The following LGR5 variants were observed in gnomAD, a reference collection of about 807,000 sequenced individuals.
The protein encoded by LGR5 is leucine rich repeat containing G protein-coupled receptor 5, also known as leucine-rich repeat-containing G protein-coupled receptor 5.
LGR5 carries 54 observed loss-of-function variants against 76.7 expected under a neutral mutation model. The observed-to-expected ratio is 0.70, with a 90% CI of 0.57 to 0.88. The LOEUF (loss-of-function observed/expected upper bound fraction) is 0.88. Ranked by LOEUF, LGR5 falls within the 40% of genes least tolerant of loss-of-function variation. The pLI, the probability that LGR5 is intolerant of heterozygous loss-of-function variation, is 0.00. For missense variants in LGR5, 1,078 were observed against 1,073.3 expected (o/e 1.00, Z -0.06); for synonymous variants, 406 against 421.9 (o/e 0.96, Z 0.46).
At chr12:71,532,712 G>A (rs1876382210) in intron 3 of LGR5, among the ~76,000 whole-genome samples, 2 of 152,050 alleles carry the variant, frequency 1.3e-5, no homozygotes, top group African/African-American at 4.8e-5. Flanking sequence ...AGGGTCAGGA[G>A]GTTAAATGAG....
chr12:71,462,706 C>T (rs577411899), intron 1 of LGR5, among the ~76,000 whole-genome samples: 2 of 152,268 alleles, frequency 1.3e-5, no homozygotes, highest in African/African-American at 2.4e-5. Context: ...CCCATTGCCC[C>T]TCTGGTGGAA....
At position 71,584,073 on chromosome 12, in the gene LGR5, G is replaced by A; in HGVS notation, c.2063G>A (p.Cys688Tyr). Residue 688 changes from cysteine (C) to tyrosine (Y), a missense_variant, in exon 18 of 18, where the codon TGT (cysteine) becomes TAT (tyrosine). Physicochemically the swap from Cys to Tyr is radical, Grantham distance 194. Coordinates refer to ENST00000266674, the MANE Select transcript of LGR5 (RefSeq NM_003667.4). Reference sequence around the variant, plus strand: ...AGCCTGAAAGTAATCATTTTGCTCTGTGCCCTGCTGGCCTTGACCATGGCC... The same window carrying A: ...AGCCTGAAAGTAATCATTTTGCTCTATGCCCTGCTGGCCTTGACCATGGCC... ...FSSLKVIILL[C>Y]ALLALTMAAV... is the part of the protein sequence containing the mutation. 2 of 1,614,132 alleles carry A rather than the reference G, an allele frequency of 1.2e-6. No individual in the cohort carries two copies. The highest frequency in any genetic ancestry group is 3.3e-5 in the Admixed American group (2 of 60,024).
At chr12:71,568,054 A>T (rs556552934) in intron 11 of LGR5, among the ~76,000 whole-genome samples, 2 of 152,190 alleles carry the variant, frequency 1.3e-5, no homozygotes, top group Admixed American at 6.5e-5. Flanking sequence ...CACACCCAGA[A>T]CAGGTATAAT....
chr12:71,567,283 T>A, intron 11 of LGR5: 1 of 214,146 alleles, frequency 4.7e-6, no homozygotes, highest in Non-Finnish European at 9.5e-6. Context: ...AATCAAAAAC[T>A]GAGATCTCAG....
chr12:71,529,185 T>C (rs569799825), intron 3 of LGR5, among the ~76,000 whole-genome samples: 1 of 152,312 alleles, frequency 6.6e-6, no homozygotes, highest in African/African-American at 2.4e-5. Context: ...TTATTACATA[T>C]CGTATTAGTC....
chr12:71,559,431 C>T (rs1877946488), intron 6 of LGR5, among the ~76,000 whole-genome samples, 155 bp from the exon 7 acceptor site: 1 of 152,110 alleles, frequency 6.6e-6, no homozygotes, highest in African/African-American at 2.4e-5. Flanking sequence ...TGTTGGTAGT[C>T]AGCAAGCCAA....
intron 8 of LGR5, among the ~76,000 whole-genome samples, chr12:71,563,870 G>A (rs916730887): frequency 4.0e-5 from 6 of 150,422 alleles, no homozygotes; most frequent in African/African-American, 7.4e-5. Flanking sequence ...GTGTGTGTGT[G>A]TGTATATAGT....
At chr12:71,539,572 G>A (rs1443347787) in intron 4 of LGR5, among the ~76,000 whole-genome samples, 1 of 152,156 alleles carries the variant, frequency 6.6e-6, no homozygotes, top group African/African-American at 2.4e-5. Context: ...CCACCTCCCA[G>A]GTTCAAGCGA....
At chr12:71,512,004 GT>G (rs1875180108) in intron 2 of LGR5, among the ~76,000 whole-genome samples, 1 of 151,964 alleles carries the variant, frequency 6.6e-6, no homozygotes, top group Non-Finnish European at 1.5e-5. Context: ...TTGTTTGTTT[GT>G]TTTTTAGACA....
intron 2 of LGR5, among the ~76,000 whole-genome samples, chr12:71,514,180 T>A (rs1029251919): frequency 1.3e-5 from 2 of 152,044 alleles, no homozygotes; most frequent in Non-Finnish European, 2.9e-5. Flanking sequence ...ATAGGCTACA[T>A]TGTATAGAAT....
intron 3 of LGR5, among the ~76,000 whole-genome samples, chr12:71,532,039 T>G (rs1439571195): frequency 6.6e-6 from 1 of 152,182 alleles, no homozygotes; most frequent in Non-Finnish European, 1.5e-5. Flanking sequence ...ATTTTAAGAG[T>G]TCCACTGTTT....
intron 1 of LGR5, among the ~76,000 whole-genome samples, chr12:71,442,999 AC>A (rs1211313627): frequency 6.6e-6 from 1 of 152,210 alleles, no homozygotes; most frequent in Non-Finnish European, 1.5e-5. Flanking sequence ...GTTGCAGTGT[AC>A]CAAGACTGAT....
chr12:71,540,746 T>C (rs74604037), intron 4 of LGR5, among the ~76,000 whole-genome samples: 12,756 of 152,052 alleles, frequency 0.084, 574 homozygotes, highest in Middle Eastern at 0.12. Context: ...CAGGAGGCTA[T>C]TGGGCTTCAG....
chr12:71,532,548 C>T (rs1275926335), intron 3 of LGR5, among the ~76,000 whole-genome samples: 1 of 152,136 alleles, frequency 6.6e-6, no homozygotes, highest in Non-Finnish European at 1.5e-5. Context: ...GTGTTAAAGG[C>T]ATAATTTTTA....
At position 71,578,845 on chromosome 12, in the gene LGR5, G is replaced by T; in HGVS notation, c.1322G>T (p.Gly441Val). 6.2e-7 allele frequency: 1 copy of T among 1,610,148 alleles called. No individual in the cohort carries two copies. The highest frequency in any genetic ancestry group is 1.1e-5 in the South Asian group (1 of 90,422). ...SNLLSSFPIT[G>V]LHGLTHLKLT... ...CTCCTGTCGTCTTTTCCTATAACTG[G>T]GTTACATGGTTTAACTCACTTAAAA... Residue 441 changes from glycine to valine, a missense_variant, in exon 15 of 18, where the codon GGG becomes GTG. Transcript: ENST00000266674.
intron 2 of LGR5, among the ~76,000 whole-genome samples, chr12:71,517,808 A>G (rs1274975594): frequency 6.6e-6 from 1 of 152,242 alleles, no homozygotes; most frequent in Admixed American, 6.5e-5. Flanking sequence ...TTGCTTCAGT[A>G]TTATACATTA....
chr12:71,531,392 GA>G (rs1876300773), intron 3 of LGR5, among the ~76,000 whole-genome samples: 1 of 152,124 alleles, frequency 6.6e-6, no homozygotes, highest in South Asian at 2.1e-4. Flanking sequence ...GACTTATAAT[GA>G]TATAATAAAG....
At chr12:71,531,697 G>A (rs941164854) in intron 3 of LGR5, among the ~76,000 whole-genome samples, 4 of 152,136 alleles carry the variant, frequency 2.6e-5, no homozygotes, top group Non-Finnish European at 4.4e-5. Context: ...GTGAAACCCC[G>A]TTGCTGCTAA....
intron 1 of LGR5, among the ~76,000 whole-genome samples, chr12:71,475,801 A>G (rs1873308796): frequency 2.0e-5 from 3 of 152,196 alleles, no homozygotes; most frequent in Admixed American, 6.5e-5. Context: ...TTAATTCCTA[A>G]TCAGCTAAGA....
Sources: gnomAD v4.1 joint callset for allele counts (sites outside exome capture counted in the v4.1 genomes callset) on GRCh38, gnomAD v4.1.1 for gene constraint, MANE v1.5 for transcripts, NCBI Gene and HGNC (gene_info 2026-07-23, HGNC 2026-07-21) for gene names.